The following AMBRA1 variants were observed in gnomAD, a reference collection of about 807,000 sequenced individuals.
AMBRA1 encodes the protein activating molecule in BECN1-regulated autophagy protein 1.
In AMBRA1, 47 loss-of-function variants were observed where a neutral mutation model predicts 125.4. The observed-to-expected ratio is 0.37, with a 90% CI of 0.30 to 0.48. AMBRA1 has a LOEUF of 0.48. Among genes scored for constraint, AMBRA1 ranks in the 20% least tolerant of loss-of-function variants. AMBRA1 has a pLI of 0.99. For missense variants in AMBRA1, 1,331 were observed against 1,693.4 expected, an observed-to-expected ratio of 0.79 and a Z score of 3.76; for synonymous variants, 626 against 655.5, an observed-to-expected ratio of 0.95 and a Z score of 0.69.
intron 15 of AMBRA1, among the ~76,000 whole-genome samples, chr11:46,413,110 G>A (rs1946372706): frequency 6.6e-6 from 1 of 152,186 alleles, no homozygotes; most frequent in Admixed American, 6.5e-5. Flanking sequence ...CCACAAGAAG[G>A]CCTTCTGTCT....
chr11:46,590,231 T>A (rs563954348), intron 1 of AMBRA1, among the ~76,000 whole-genome samples: 71 of 151,768 alleles, frequency 4.7e-4, no homozygotes, highest in African/African-American at 1.7e-3. Context: ...ATTAGCTGGG[T>A]GCGGTGGTGC....
At chr11:46,493,830 T>A in intron 10 of AMBRA1, 122 bp from the exon 11 acceptor site, 1 of 745,810 alleles carries the variant, frequency 1.3e-6, no homozygotes, top group Non-Finnish European at 2.1e-6. Flanking sequence ...CAGAAAGAAA[T>A]AAAATCTCCC....
rs1455447423 is a variant in AMBRA1 at position 46,495,815 on chromosome 11, A to G, written c.2340-1611T>C. On this transcript the variant is annotated intron_variant, in intron 9 of 17. Transcript: ENST00000683756. Reference sequence around the variant, plus strand: ...ATTTAAAAGTACAATTGAATTCATGATAGCTTTTCATTATCGTATATTTCA... The same window carrying G: ...ATTTAAAAGTACAATTGAATTCATGGTAGCTTTTCATTATCGTATATTTCA... Among the ~76,000 whole-genome samples the G allele has an allele frequency of 3.3e-5, 5 of 152,368 alleles. No homozygotes were observed. The East Asian group carries it at 9.6e-4, about 29-fold the overall frequency.
chr11:46,541,079 CA>C (rs1178466422), intron 7 of AMBRA1, among the ~76,000 whole-genome samples: 1 of 152,168 alleles, frequency 6.6e-6, no homozygotes, highest in Non-Finnish European at 1.5e-5. Context: ...TGTTTGGATC[CA>C]ACAGGCATAT....
At chr11:46,467,969 A>G (rs562702381) in intron 11 of AMBRA1, among the ~76,000 whole-genome samples, 1 of 152,322 alleles carries the variant, frequency 6.6e-6, no homozygotes, top group East Asian at 1.9e-4. Flanking sequence ...CAGGCAGGAA[A>G]CTGCTACGAA....
chr11:46,556,963 C>T (rs1349732127), intron 1 of AMBRA1, among the ~76,000 whole-genome samples: 1 of 151,912 alleles, frequency 6.6e-6, no homozygotes, highest in Non-Finnish European at 1.5e-5. Flanking sequence ...ATGGAGAAAC[C>T]CTGTCTCTAT....
chr11:46,555,980 T>TA (rs2043147490), intron 1 of AMBRA1, among the ~76,000 whole-genome samples: 1 of 152,248 alleles, frequency 6.6e-6, no homozygotes, highest in Admixed American at 6.5e-5. Flanking sequence ...TACTGACATA[T>TA]ATTCCATAAC....
chr11:46,401,365 C>T (rs1378427815), intron 17 of AMBRA1, among the ~76,000 whole-genome samples: 8 of 152,288 alleles, frequency 5.3e-5, no homozygotes, highest in South Asian at 2.1e-4. Context: ...CTCAGCCTCC[C>T]GAGTAGCTGG....
At chr11:46,555,929 G>A (rs2043145567) in intron 1 of AMBRA1, among the ~76,000 whole-genome samples, 1 of 152,184 alleles carries the variant, frequency 6.6e-6, no homozygotes, top group South Asian at 2.1e-4. Flanking sequence ...ACTTCACTAT[G>A]CCCATGTGGG....
intron 17 of AMBRA1, among the ~76,000 whole-genome samples, chr11:46,408,040 A>C (rs1447718676): frequency 6.6e-6 from 1 of 152,170 alleles, no homozygotes; most frequent in Non-Finnish European, 1.5e-5. Context: ...GAAGGGGCTG[A>C]TGATAGGCCA....
intron 14 of AMBRA1, among the ~76,000 whole-genome samples, chr11:46,419,166 C>T (rs1002173864): frequency 1.3e-5 from 2 of 152,122 alleles, no homozygotes; most frequent in Non-Finnish European, 2.9e-5. Flanking sequence ...TATAAATCAC[C>T]GTTAAATTGA....
intron 3 of AMBRA1, 65 bp from the exon 4 acceptor site, chr11:46,547,361 T>G (rs921543285): frequency 1.4e-6 from 2 of 1,431,396 alleles, no homozygotes; most frequent in African/African-American, 2.9e-5. Flanking sequence ...CTTATCAACT[T>G]TGGACGACAT....
At chr11:46,548,571 T>A in intron 1 of AMBRA1, 71 bp from the exon 2 acceptor site, 1 of 624,674 alleles carries the variant, frequency 1.6e-6, no homozygotes, top group Non-Finnish European at 2.7e-6. Context: ...AATACAATTC[T>A]AGCTCAAAAG....
intron 9 of AMBRA1, among the ~76,000 whole-genome samples, chr11:46,500,441 A>G (rs1374659407): frequency 6.6e-6 from 1 of 152,150 alleles, no homozygotes; most frequent in Non-Finnish European, 1.5e-5. Flanking sequence ...TACTATGCCC[A>G]CTGCTTTCTA....
chr11:46,493,531 A>G (rs1950535189), intron 11 of AMBRA1, 77 bp downstream of exon 11: 10 of 1,181,150 alleles, frequency 8.5e-6, no homozygotes, highest in Non-Finnish European at 1.2e-5. Flanking sequence ...TCACATCAAC[A>G]TAGGTAAAGG....
At chr11:46,427,878 G>C (rs1475930293) in intron 14 of AMBRA1, among the ~76,000 whole-genome samples, 1 of 151,930 alleles carries the variant, frequency 6.6e-6, no homozygotes, top group African/African-American at 2.4e-5. Context: ...GAGTGGTGGC[G>C]AGTGCCTGTA....
chr11:46,411,547 C>T (rs182595686), intron 15 of AMBRA1, among the ~76,000 whole-genome samples: 2 of 152,316 alleles, frequency 1.3e-5, no homozygotes, highest in Non-Finnish European at 2.9e-5. Context: ...CAGCTCATTG[C>T]AACCTCTGCC....
intron 17 of AMBRA1, among the ~76,000 whole-genome samples, chr11:46,401,987 G>A (rs924679466): frequency 3.9e-5 from 6 of 152,098 alleles, no homozygotes; most frequent in Non-Finnish European, 5.9e-5. Context: ...GCAGGTACCC[G>A]GCAGCCCTGC....
chr11:46,408,536 G>A lies in AMBRA1; in HGVS notation c.3380C>T (p.Thr1127Ile), dbSNP rs991951310. 3 of 1,579,550 alleles carry A rather than the reference G, an allele frequency of 1.9e-6. No individual in the cohort carries two copies. Among genetic ancestry groups the A allele is most frequent in the Non-Finnish European group, 2.6e-6 (3 of 1,159,736 alleles). The change falls in exon 17 of 18, where the codon ACA (threonine) becomes ATA (isoleucine). Residue 1127 changes from threonine to isoleucine, a missense_variant. By Grantham distance (89) the Thr-to-Ile change is moderately conservative (BLOSUM62 -1). This residue lies in a region of AMBRA1 where 354 missense variants were observed against 532.7 expected (regional missense o/e 0.66). Transcript: ENST00000683756. ...ACCTTCACCAGGACCTGAGGCGGCT[G>A]TCCCTGGCTCCGGCACCTCCCTCTC... is the stretch of plus-strand genomic sequence containing the variant. ...QTEREVPEPG[T>I]AASGPGEGEG...
Sources: gnomAD v4.1 joint callset for allele counts (sites outside exome capture counted in the v4.1 genomes callset) on GRCh38, gnomAD v4.1.1 for gene constraint, gnomAD v4.1.1 regional missense constraint, MANE v1.5 for transcripts, NCBI Gene and HGNC (gene_info 2026-07-23, HGNC 2026-07-21) for gene names.